The following PLXNA4 variants were observed in gnomAD, a reference collection of about 807,000 sequenced individuals.
PLXNA4 encodes plexin A4.
A neutral mutation model predicts 191.8 loss-of-function variants in PLXNA4; 44 were observed. The ratio of observed to expected loss-of-function variants is 0.23; its 90% CI spans 0.18 to 0.29. The LOEUF is 0.29. Ranked by LOEUF, PLXNA4 falls within the 10% of genes least tolerant of loss-of-function variation. PLXNA4 has a pLI of 1.00. For synonymous variants in PLXNA4, 1,082 were observed against 1,009.5 expected (o/e 1.07, Z -1.36); for missense variants, 1,800 against 2,488.8 (o/e 0.72, Z 5.89).
intron 9 of PLXNA4, among the ~76,000 whole-genome samples, chr7:132,212,558 G>T (rs1797837063): frequency 1.3e-5 from 2 of 152,200 alleles, no homozygotes; most frequent in Non-Finnish European, 2.9e-5. Context: ...AGTTGAGTGG[G>T]ACTCCAAGGC....
intron 4 of PLXNA4, among the ~76,000 whole-genome samples, chr7:132,286,508 C>T (rs918831252): frequency 6.6e-6 from 1 of 152,140 alleles, no homozygotes; most frequent in African/African-American, 2.4e-5. Flanking sequence ...TAGAGACCTG[C>T]CAGCGCTTTC....
At chr7:132,570,186 T>G (rs951877201) in intron 1 of PLXNA4, among the ~76,000 whole-genome samples, 3 of 152,230 alleles carry the variant, frequency 2.0e-5, no homozygotes, top group Admixed American at 1.3e-4. Flanking sequence ...TAATGCCTAT[T>G]GACTCCCCCG....
chr7:132,138,399 G>A (rs1232507651), intron 30 of PLXNA4, among the ~76,000 whole-genome samples: 1 of 152,174 alleles, frequency 6.6e-6, no homozygotes. Flanking sequence ...CAGGTGTGCT[G>A]TGGTCCCAGG....
chr7:132,637,066 G>A (rs1290347117), intron 2 of PLXNA4, among the ~76,000 whole-genome samples: 1 of 152,164 alleles, frequency 6.6e-6, no homozygotes, highest in Non-Finnish European at 1.5e-5. Context: ...ATGAGAGAGA[G>A]GGAATGCAGA....
At chr7:132,637,306 C>T (rs1257967387) in intron 2 of PLXNA4, among the ~76,000 whole-genome samples, 1 of 152,184 alleles carries the variant, frequency 6.6e-6, no homozygotes, top group Admixed American at 6.5e-5. Context: ...CCAAGCACCC[C>T]TTCACCTGCT....
chr7:132,367,012 C>T (rs1038982330), intron 3 of PLXNA4, among the ~76,000 whole-genome samples: 1 of 152,174 alleles, frequency 6.6e-6, no homozygotes, highest in Non-Finnish European at 1.5e-5. Flanking sequence ...CTTAAGTGAT[C>T]CTCCAGCCTC....
chr7:132,396,221 G>C (rs997653917), intron 3 of PLXNA4, among the ~76,000 whole-genome samples: 4 of 152,210 alleles, frequency 2.6e-5, no homozygotes, highest in African/African-American at 9.6e-5. Context: ...AGTATGCCAT[G>C]CTTTGAAAAT....
chr7:132,630,152 G>C (rs977261783), intron 2 of PLXNA4, among the ~76,000 whole-genome samples: 1 of 151,926 alleles, frequency 6.6e-6, no homozygotes, highest in Non-Finnish European at 1.5e-5. Flanking sequence ...ACCCGGCCTG[G>C]TGTCTCTTCT....
chr7:132,432,733 A>G (rs180713832), intron 3 of PLXNA4, among the ~76,000 whole-genome samples: 32 of 152,318 alleles, frequency 2.1e-4, no homozygotes, highest in African/African-American at 7.7e-4. Flanking sequence ...ACTTTTGAAT[A>G]AAAGTGAAAA....
chr7:132,191,994 C>T (rs1207389477), intron 14 of PLXNA4, among the ~76,000 whole-genome samples: 4 of 152,074 alleles, frequency 2.6e-5, no homozygotes, highest in Non-Finnish European at 4.4e-5. Flanking sequence ...GAAAATGACT[C>T]GTCCATGAAC....
At chr7:132,249,250 CA>C (rs1799164115) in intron 4 of PLXNA4, among the ~76,000 whole-genome samples, 1 of 152,150 alleles carries the variant, frequency 6.6e-6, no homozygotes, top group Non-Finnish European at 1.5e-5. Flanking sequence ...GAATTGGTCA[CA>C]AAATACTACC....
At chr7:132,479,354 G>A (rs768686044) in intron 3 of PLXNA4, among the ~76,000 whole-genome samples, 6 of 152,048 alleles carry the variant, frequency 3.9e-5, no homozygotes, top group Non-Finnish European at 8.8e-5. Flanking sequence ...CCCAAGGAAG[G>A]GAGAGCCTGT....
chr7:132,162,074 GC>G (rs1332240855), intron 24 of PLXNA4, among the ~76,000 whole-genome samples: 1 of 152,138 alleles, frequency 6.6e-6, no homozygotes, highest in African/African-American at 2.4e-5. Context: ...TCTCTCTCCT[GC>G]CCAAGACAAG....
At chr7:132,468,732 A>ACG (rs200892408) in intron 3 of PLXNA4, among the ~76,000 whole-genome samples, 1 of 146,790 alleles carries the variant, frequency 6.8e-6, no homozygotes. Context: ...CAATATGCAC[A>ACG]CGCACACACA....
intron 3 of PLXNA4, among the ~76,000 whole-genome samples, chr7:132,318,802 G>T (rs1175894006): frequency 6.6e-6 from 1 of 152,060 alleles, no homozygotes; most frequent in Non-Finnish European, 1.5e-5. Context: ...GGTCGGAGGG[G>T]CTCTGTTCTG....
At chr7:132,396,961 C>T (rs1339784178) in intron 3 of PLXNA4, among the ~76,000 whole-genome samples, 1 of 152,262 alleles carries the variant, frequency 6.6e-6, no homozygotes, top group Non-Finnish European at 1.5e-5. Flanking sequence ...CCCACACCTG[C>T]CTGGGGCCTA....
chr7:132,191,804 G>GTC (rs1797098690), intron 14 of PLXNA4, among the ~76,000 whole-genome samples: 3 of 58,842 alleles, frequency 5.1e-5, no homozygotes, highest in African/African-American at 1.1e-4. Context: ...CTGTCTCTAT[G>GTC]TCTATATCAT....
At chr7:132,561,571 T>TC (rs1801078357) in intron 1 of PLXNA4, among the ~76,000 whole-genome samples, 1 of 26,806 alleles carries the variant, frequency 3.7e-5, no homozygotes, top group Non-Finnish European at 6.6e-5. Flanking sequence ...CCTCCTCCTT[T>TC]CCCCTCCTCC....
At chr7:132,544,186 C>T (rs1019029303) in intron 1 of PLXNA4, among the ~76,000 whole-genome samples, 3 of 152,230 alleles carry the variant, frequency 2.0e-5, no homozygotes, top group African/African-American at 7.2e-5. Flanking sequence ...CCCACCCATC[C>T]TCTTTTTAGT....
Sources: allele counts gnomAD v4.1 joint callset (sites outside exome capture counted in the v4.1 genomes callset), GRCh38; gene constraint gnomAD v4.1.1; transcripts MANE v1.5; gene names NCBI Gene and HGNC (gene_info 2026-07-23, HGNC 2026-07-21).